The following ADCY8 variants were observed in gnomAD, a reference collection of about 807,000 sequenced individuals.
ADCY8 encodes adenylate cyclase type 8.
A neutral mutation model predicts 119.7 loss-of-function variants in ADCY8; 51 were observed. The ratio of observed to expected loss-of-function variants is 0.43; its 90% confidence interval spans 0.34 to 0.54. The LOEUF (loss-of-function observed/expected upper bound fraction) is 0.54. Among genes scored for constraint, ADCY8 ranks in the 20% least tolerant of loss-of-function variants. The pLI, the probability that ADCY8 is intolerant of heterozygous loss-of-function variation, is 0.03. For synonymous variants in ADCY8, 665 were observed against 651.0 expected (o/e 1.02, Z -0.33); for missense variants, 1,383 against 1,598.8 (o/e 0.87, Z 2.30).
intron 12 of ADCY8, among the ~76,000 whole-genome samples, chr8:130,831,462 G>A (rs1816832069): frequency 6.6e-6 from 1 of 152,166 alleles, no homozygotes; most frequent in Non-Finnish European, 1.5e-5. Context: ...GCCAAAGATG[G>A]TTTTGCCAAG....
intron 3 of ADCY8, among the ~76,000 whole-genome samples, chr8:130,951,572 T>A (rs532714466): frequency 6.6e-6 from 1 of 152,346 alleles, no homozygotes; most frequent in Admixed American, 6.5e-5. Flanking sequence ...ATTTTTCTTA[T>A]CATAGTCTAA....
rs188016956 is a variant in ADCY8 at position 130,934,119 on chromosome 8, G to A, written c.1481+2954C>T. On this transcript the variant is annotated intron_variant, in intron 5 of 17. Transcript: ENST00000286355. ...ACATTTGTTGATGGGTTTACTGATT[G>A]ACAGAATAAGGCTCACACACCTAAT... is the stretch of plus-strand genomic sequence containing the variant. 4.9e-4 allele frequency among the ~76,000 whole-genome samples: 75 copies of A among 152,324 alleles called. No individual in the cohort carries two copies. The Middle Eastern group carries it at 0.01, about 21-fold the overall frequency.
At chr8:130,833,147 GA>G (rs1266151578) in intron 12 of ADCY8, among the ~76,000 whole-genome samples, 39 of 152,154 alleles carry the variant, frequency 2.6e-4, no homozygotes, top group African/African-American at 9.2e-4. Flanking sequence ...GAGTTTCTTT[GA>G]ACCCTTGGAA....
intron 2 of ADCY8, among the ~76,000 whole-genome samples, chr8:130,960,459 GA>G (rs1220704121): frequency 2.8e-5 from 1 of 35,166 alleles, no homozygotes; most frequent in African/African-American, 4.7e-5. Context: ...TTTATCCTGG[GA>G]ATATCATTAT....
At chr8:130,849,570 C>T (rs372551697) in intron 10 of ADCY8, 32 bp downstream of exon 10, 5 of 1,609,494 alleles carry the variant, frequency 3.1e-6, no homozygotes, top group Non-Finnish European at 4.3e-6. Flanking sequence ...GCACACTAGA[C>T]ACCAGAGGGT....
chr8:130,985,386 A>G (rs1822372413), intron 2 of ADCY8, among the ~76,000 whole-genome samples: 1 of 152,188 alleles, frequency 6.6e-6, no homozygotes, highest in Non-Finnish European at 1.5e-5. Flanking sequence ...TGTAGAGGGT[A>G]AGAAGAATGT....
At chr8:130,993,372 A>C (rs28693644) in intron 1 of ADCY8, among the ~76,000 whole-genome samples, 69,342 of 152,094 alleles carry the variant, frequency 0.46, 16,197 homozygotes, top group East Asian at 0.79. Flanking sequence ...TCTCTTTTAA[A>C]ACAATTTTCA....
intron 2 of ADCY8, among the ~76,000 whole-genome samples, chr8:130,982,209 C>T (rs575169141): frequency 5.3e-5 from 8 of 152,276 alleles, no homozygotes; most frequent in African/African-American, 1.4e-4. Context: ...GATCAGAGGC[C>T]ATTAACGCTG....
At chr8:130,805,847 C>T (rs1158813881) in intron 14 of ADCY8, among the ~76,000 whole-genome samples, 3 of 152,070 alleles carry the variant, frequency 2.0e-5, no homozygotes, top group Non-Finnish European at 4.4e-5. Context: ...TGTGGCTTGC[C>T]ACATGTGAGG....
At position 130,951,430 on chromosome 8, in the gene ADCY8, T is replaced by C. The variant is rs180827495; in HGVS notation, c.1241+438A>G. Among the ~76,000 whole-genome samples the C allele has an allele frequency of 1.1e-4, 17 of 152,190 alleles. No homozygotes were observed. The East Asian group carries it at 3.3e-3, about 30-fold the overall frequency. On this transcript the variant is annotated intron_variant, in intron 3 of 17. Transcript: ENST00000286355. ...GATGGGTGGATGGATAGATGGATGG[T>C]TGGCCAAAAATAAGTTTGCAAAGGA... is the stretch of plus-strand genomic sequence containing the variant.
At position 130,785,906 on chromosome 8, in the gene ADCY8, T is replaced by G. The variant is rs1247681486; in HGVS notation, c.3061-431A>C. Among the ~76,000 whole-genome samples, 8 of 152,224 alleles carry G rather than the reference T, an allele frequency of 5.3e-5. No homozygotes were observed. In the East Asian group the frequency reaches 1.3e-3, roughly 26 times the overall value. Reference sequence around the variant, plus strand: ...CCCTTTGCCCCTTGCCACACTGACCTGAGAACAAGCTCAGCCTGCTTTGGC... The same window carrying G: ...CCCTTTGCCCCTTGCCACACTGACCGGAGAACAAGCTCAGCCTGCTTTGGC... On this transcript the variant is annotated intron_variant, in intron 15 of 17. Transcript: ENST00000286355.
At chr8:130,936,923 T>C in intron 5 of ADCY8, 150 bp downstream of exon 5, 1 of 897,522 alleles carries the variant, frequency 1.1e-6, no homozygotes, top group African/African-American at 1.7e-5. Context: ...TTGGTTTATA[T>C]GGGAGAACTA....
At chr8:130,912,600 T>G (rs1337916171) in intron 5 of ADCY8, among the ~76,000 whole-genome samples, 1 of 152,202 alleles carries the variant, frequency 6.6e-6, no homozygotes, top group Non-Finnish European at 1.5e-5. Context: ...GTCTCTGTTC[T>G]TAAATTGTAA....
chr8:130,943,497 G>GGGGGGGGGGCCCCCCCCCC, intron 3 of ADCY8, 35 bp from the exon 4 acceptor site: 1 of 491,352 alleles, frequency 2.0e-6, no homozygotes, highest in Non-Finnish European at 4.2e-6. Flanking sequence ...GTGGGGGGAG[G>GGGGGGGGGGCCCCCCCCCC]AAGTATATTA....
chr8:130,976,586 C>A (rs1822079226), intron 2 of ADCY8, among the ~76,000 whole-genome samples: 1 of 152,082 alleles, frequency 6.6e-6, no homozygotes, highest in Non-Finnish European at 1.5e-5. Flanking sequence ...GAAGTCATTT[C>A]TTATTCATTG....
intron 7 of ADCY8, among the ~76,000 whole-genome samples, chr8:130,903,241 A>T (rs1352693306): frequency 6.6e-6 from 1 of 152,140 alleles, no homozygotes; most frequent in East Asian, 1.9e-4. Flanking sequence ...AAATAGAATC[A>T]TGTGGGTGGC....
intron 1 of ADCY8, among the ~76,000 whole-genome samples, chr8:131,007,745 T>C (rs922001223): frequency 1.3e-5 from 2 of 152,250 alleles, no homozygotes; most frequent in Non-Finnish European, 2.9e-5. Flanking sequence ...TATGTGACTT[T>C]ACAGCTATCC....
At chr8:130,991,883 GA>G (rs139202199) in intron 1 of ADCY8, among the ~76,000 whole-genome samples, 1,715 of 151,490 alleles carry the variant, frequency 0.011, 40 homozygotes, top group African/African-American at 0.04. Context: ...GAAAAGATAA[GA>G]AATAAGAAAA....
chr8:131,023,535 G>C (rs989954283), intron 1 of ADCY8, among the ~76,000 whole-genome samples: 1 of 152,122 alleles, frequency 6.6e-6, no homozygotes, highest in African/African-American at 2.4e-5. Context: ...ACTTTCATAA[G>C]TTTTATATTT....
Sources: allele counts gnomAD v4.1 joint callset (sites outside exome capture counted in the v4.1 genomes callset), GRCh38; gene constraint gnomAD v4.1.1; transcripts MANE v1.5; gene names NCBI Gene and HGNC (gene_info 2026-07-23, HGNC 2026-07-21).